MYOC: variants seen among roughly 807,000 people sequenced by gnomAD.
MYOC encodes the protein juvenile-onset open-angle glaucoma 1.
In MYOC, 29 loss-of-function variants were observed where a neutral mutation model predicts 28.2. That is an observed-to-expected ratio of 1.03 (90% confidence interval 0.77 to 1.40). MYOC has a LOEUF of 1.40. Among genes scored for constraint, MYOC ranks in the 40% most tolerant of loss-of-function variants. The pLI, the probability that MYOC is intolerant of heterozygous loss-of-function variation, is 0.00. For missense variants in MYOC, 569 were observed against 620.6 expected (o/e 0.92, Z 0.88); for synonymous variants, 240 against 245.6 (o/e 0.98, Z 0.21).
At chr1:171,648,081 C>T (rs1281658022) in intron 1 of MYOC, among the ~76,000 whole-genome samples, 2 of 151,164 alleles carry the variant, frequency 1.3e-5, no homozygotes, top group African/African-American at 2.4e-5. Context: ...CCCAGCTACT[C>T]GGGAGGCTGA....
chr1:171,636,075 T>G lies in MYOC; in HGVS notation c.1365A>C (p.Thr455=), dbSNP rs755575564. ...ADATVNFAYD[T]GTGISKTLTI... ...TCAGGGTCTTGCTGATACCTGTGCC[T>G]GTGTCATAAGCAAAGTTGACGGTAG... is the stretch of plus-strand genomic sequence containing the variant. Residue 455 remains threonine, a synonymous_variant, in exon 3 of 3, where the codon ACA becomes ACC. Coordinates refer to ENST00000037502, the MANE Select transcript of MYOC (RefSeq NM_000261.2). The G allele has an allele frequency of 6.2e-7, 1 of 1,614,224 alleles. No individual in the cohort carries two copies. The highest frequency in any genetic ancestry group is 8.5e-7 in the Non-Finnish European group (1 of 1,180,042).
intron 1 of MYOC, among the ~76,000 whole-genome samples, chr1:171,650,548 T>C (rs1653329852): frequency 6.6e-6 from 1 of 152,248 alleles, no homozygotes; most frequent in Non-Finnish European, 1.5e-5. Context: ...TGTTATGTTA[T>C]GGACAAGAAA....
chr1:171,645,551 A>G (rs1442680224), intron 1 of MYOC, among the ~76,000 whole-genome samples: 4 of 152,172 alleles, frequency 2.6e-5, no homozygotes, highest in Non-Finnish European at 5.9e-5. Context: ...ACGTCTATCT[A>G]TAGTTGCTCT....
At chr1:171,639,221 T>C (rs1308944171) in intron 1 of MYOC, among the ~76,000 whole-genome samples, 1 of 152,202 alleles carries the variant, frequency 6.6e-6, no homozygotes, top group Non-Finnish European at 1.5e-5. Context: ...ACTGTGCTGA[T>C]AACAGTTGGG....
intron 1 of MYOC, among the ~76,000 whole-genome samples, chr1:171,647,782 T>A (rs1320276542): frequency 6.6e-6 from 1 of 152,170 alleles, no homozygotes; most frequent in African/African-American, 2.4e-5. Flanking sequence ...CCTGCCCACT[T>A]TTTTGCAGTC....
chr1:171,642,513 G>A (rs1373904655), intron 1 of MYOC, among the ~76,000 whole-genome samples: 1 of 151,802 alleles, frequency 6.6e-6, no homozygotes, highest in Non-Finnish European at 1.5e-5. Flanking sequence ...TCGGGAGGCT[G>A]AGGCAGGAAG....
intron 1 of MYOC, among the ~76,000 whole-genome samples, chr1:171,647,758 C>A (rs1397209673): frequency 2.6e-5 from 4 of 152,186 alleles, no homozygotes; most frequent in Admixed American, 1.3e-4. Flanking sequence ...TCTCCCCTCA[C>A]CCTCCCCTCA....
At chr1:171,650,101 A>C (rs558699254) in intron 1 of MYOC, among the ~76,000 whole-genome samples, 1 of 152,280 alleles carries the variant, frequency 6.6e-6, no homozygotes, top group African/African-American at 2.4e-5. Context: ...AGATCAAGAA[A>C]AAATATAAAA....
intron 1 of MYOC, among the ~76,000 whole-genome samples, chr1:171,648,629 T>A (rs200174025): frequency 5.6e-5 from 7 of 125,176 alleles, no homozygotes; most frequent in Non-Finnish European, 1.3e-4. Flanking sequence ...ATATATGTAT[T>A]TTATTATATA....
At position 171,650,927 on chromosome 1, in the gene MYOC, A is replaced by AT. The variant is rs1317876686; in HGVS notation, c.604+1080dup. Among the ~76,000 whole-genome samples the AT allele has an allele frequency of 3.9e-5, 6 of 152,266 alleles. No homozygotes were observed. The South Asian group carries it at 6.2e-4, about 16-fold the overall frequency. On this transcript the variant is annotated intron_variant, in intron 1 of 2. Coordinates refer to ENST00000037502, the MANE Select transcript of MYOC (RefSeq NM_000261.2). The stretch of plus-strand genomic sequence containing the variant: ...AAGCATGTATCTCCATAGAACAAAG[A>AT]TTTTATCCTTCGCAACCACAGTATC...
At chr1:171,651,421 A>T (rs1410428286) in intron 1 of MYOC, among the ~76,000 whole-genome samples, 1 of 151,380 alleles carries the variant, frequency 6.6e-6, no homozygotes, top group Non-Finnish European at 1.5e-5. Context: ...AGAAAAAGCC[A>T]TCTCAAGAAT....
intron 2 of MYOC, among the ~76,000 whole-genome samples, chr1:171,638,134 A>G (rs1283959781): frequency 3.3e-5 from 5 of 152,202 alleles, no homozygotes; most frequent in Non-Finnish European, 7.3e-5. Context: ...CTTTGGAGAG[A>G]GCCAAACTGT....
intron 1 of MYOC, among the ~76,000 whole-genome samples, chr1:171,649,933 C>T (rs915171300): frequency 3.3e-5 from 5 of 152,162 alleles, no homozygotes; most frequent in Non-Finnish European, 4.4e-5. Flanking sequence ...AATCAGCCAG[C>T]GGTACCGGAT....
chr1:171,646,055 G>A (rs1188433919), intron 1 of MYOC, among the ~76,000 whole-genome samples: 1 of 152,242 alleles, frequency 6.6e-6, no homozygotes, highest in Non-Finnish European at 1.5e-5. Context: ...GCTTCTTCTA[G>A]GTCATGTCAG....
intron 1 of MYOC, among the ~76,000 whole-genome samples, chr1:171,639,684 G>C (rs1318393417): frequency 6.7e-6 from 1 of 148,654 alleles, no homozygotes; most frequent in Non-Finnish European, 1.5e-5. Flanking sequence ...GGGCACAGTG[G>C]CTCACACTGA....
Position 171,647,069 on chromosome 1 carries a change from A to G in MYOC, c.604+4939T>C, listed in dbSNP as rs117957627. On this transcript the variant is annotated intron_variant, in intron 1 of 2. Transcript: ENST00000037502. ...AATGAAGTAAAACAAGCTATGCCTAATTATCTACAGGTTGTCAGAAACATC... is the reference window on the plus strand; with the variant it reads ...AATGAAGTAAAACAAGCTATGCCTAGTTATCTACAGGTTGTCAGAAACATC... 2.0e-3 allele frequency among the ~76,000 whole-genome samples: 305 copies of G among 152,370 alleles called. 7 individuals are homozygous for G. The East Asian group carries it at 0.052, about 26-fold the overall frequency.
chr1:171,644,774 A>G (rs1352078927), intron 1 of MYOC, among the ~76,000 whole-genome samples: 1 of 152,214 alleles, frequency 6.6e-6, no homozygotes, highest in Non-Finnish European at 1.5e-5. Context: ...AGTGTCTCTT[A>G]TGAGCCAGTA....
chr1:171,636,386 C>T lies in MYOC; in HGVS notation c.1054G>A (p.Glu352Lys), dbSNP rs61745146. ...ATTTCCTTCTCAGCCTTCACTGTCT[C>T]GGTATTCAGCTCATATCTTATGACA... ...RTVIRYELNT[E>K]TVKAEKEIPG... Residue 352 changes from glutamate (E) to lysine (K), a missense_variant, in exon 3 of 3, where the codon GAG becomes AAG. Coordinates refer to ENST00000037502, the MANE Select transcript of MYOC (RefSeq NM_000261.2). 7.4e-4 allele frequency: 1,197 copies of T among 1,613,986 alleles called. 7 individuals carry two copies. The African/African-American group carries it at 0.013, about 18-fold the overall frequency.
At chr1:171,638,750 T>G in intron 1 of MYOC, 28 bp from the exon 2 acceptor site, 1 of 1,612,322 alleles carries the variant, frequency 6.2e-7, no homozygotes, top group Non-Finnish European at 8.5e-7. Context: ...GACAAAATTT[T>G]ACTGTAAGAA....
Sources: allele counts gnomAD v4.1 joint callset (sites outside exome capture counted in the v4.1 genomes callset), GRCh38; gene constraint gnomAD v4.1.1; transcripts MANE v1.5; gene names NCBI Gene and HGNC (gene_info 2026-07-23, HGNC 2026-07-21).